The following ICE1 variants were observed in gnomAD, a reference collection of about 807,000 sequenced individuals.
ICE1 encodes interactor of little elongation complex ELL subunit 1.
ICE1 carries 64 observed loss-of-function variants against 192.7 expected under a neutral mutation model. The observed-to-expected ratio is 0.33, with a 90% CI of 0.27 to 0.41. The LOEUF (loss-of-function observed/expected upper bound fraction) is 0.41. Ranked by LOEUF, ICE1 falls within the 10% of genes least tolerant of loss-of-function variation. The probability of loss-of-function intolerance (pLI) is 1.00; values close to 1 mark genes in which losing one functional copy is unlikely to be tolerated. For synonymous variants in ICE1, 1,010 were observed against 984.5 expected, an observed-to-expected ratio of 1.03 and a Z score of -0.49; for missense variants, 2,708 against 2,696.0, an observed-to-expected ratio of 1.00 and a Z score of -0.10.
intron 3 of ICE1, among the ~76,000 whole-genome samples, chr5:5,439,096 C>A (rs2111344860): frequency 6.6e-6 from 1 of 152,194 alleles, no homozygotes; most frequent in Admixed American, 6.5e-5. Flanking sequence ...TATTTCAGCT[C>A]TTTTTTGTGT....
Position 5,464,234 on chromosome 5 carries a change from C to T in ICE1, c.4900C>T (p.Pro1634Ser). ...IRQEVGPPLPPLLAPLIATPP... is the reference protein window; with the variant it reads ...IRQEVGPPLPSLLAPLIATPP... ...GCAAGAGGTGGGGCCTCCTTTGCCG[C>T]CTCTGCTTGCTCCTCTGATAGCTAC... Residue 1634 changes from proline to serine, a missense_variant, in exon 13 of 19, where the codon CCT becomes TCT. Coordinates refer to ENST00000296564, the MANE Select transcript of ICE1 (RefSeq NM_015325.3). This position sits in a 1 kb window ranked among gnomAD's most constrained non-coding sequence, Gnocchi z 4.0. 1 of 1,613,568 alleles carries T rather than the reference C, an allele frequency of 6.2e-7. No individual in the cohort carries two copies. The highest frequency in any genetic ancestry group is 1.3e-5 in the African/African-American group (1 of 74,910).
chr5:5,441,335 CAA>C lies in ICE1; in HGVS notation c.309+113_309+114del, dbSNP rs1430381016. 3 of 655,582 alleles carry C rather than the reference CAA, an allele frequency of 4.6e-6. No homozygotes were observed. In the African/African-American group the frequency reaches 5.5e-5, roughly 12 times the overall value. 40.6% of individuals were successfully genotyped at this position (655,582 alleles called of 1,614,324 possible). A position where few individuals can be genotyped will look rare whatever the true frequency, so the allele number is the denominator to read the frequency against. On this transcript the variant is annotated intron_variant, in intron 5 of 18. Coordinates refer to ENST00000296564, the MANE Select transcript of ICE1 (RefSeq NM_015325.3). ...TGTGTTAAAGGAAATAAAGGCTAGT[CAA>C]GACTCTCAGTGTATTATTAGCTTTA...
intron 17 of ICE1, among the ~76,000 whole-genome samples, chr5:5,485,279 T>A (rs1022728193): frequency 3.9e-4 from 59 of 152,210 alleles, no homozygotes; most frequent in Admixed American, 6.5e-5. Flanking sequence ...ACGTTTTTAA[T>A]GAAAGATAAC....
Position 5,462,382 on chromosome 5 carries a change from T to C in ICE1, c.3048T>C (p.Val1016=). The part of the protein sequence containing the change: ...TEVTVSGGFS[V]EETSCGDTGR... ...TGACTGTGTCAGGAGGGTTTTCTGT[T>C]GAAGAAACCAGCTGTGGAGACACAG... The change falls in exon 13 of 19, where the codon GTT becomes GTC. Residue 1016 remains valine, a synonymous_variant. Coordinates refer to ENST00000296564, the MANE Select transcript of ICE1 (RefSeq NM_015325.3). The C allele has an allele frequency of 1.2e-6, 2 of 1,613,994 alleles. No homozygotes were observed. The highest frequency in any genetic ancestry group is 1.1e-5 in the South Asian group (1 of 91,080).
chr5:5,464,866 T>G lies in ICE1; in HGVS notation c.5532T>G (p.Ser1844Arg). 6.2e-7 allele frequency: 1 copy of G among 1,612,986 alleles called. No individual in the cohort carries two copies. The highest frequency in any genetic ancestry group is 8.5e-7 in the Non-Finnish European group (1 of 1,179,474). Reference sequence around the variant, plus strand: ...CACTGTCAACGTCTACACTGAGAAGTGCTAAAAGACTGCGCCTGGACACTG... The same window carrying G: ...CACTGTCAACGTCTACACTGAGAAGGGCTAAAAGACTGCGCCTGGACACTG... ...KRTLSTSTLR[S>R]AKRLRLDTGS... The change falls in exon 13 of 19, where the codon AGT becomes AGG. Residue 1844 changes from serine to arginine, a missense_variant. Ser to Arg is a moderately radical substitution (Grantham distance 110). Coordinates refer to ENST00000296564, the MANE Select transcript of ICE1 (RefSeq NM_015325.3). The surrounding 1 kb of genome is among the most constrained non-coding windows in gnomAD (Gnocchi z 4.0).
intron 12 of ICE1, among the ~76,000 whole-genome samples, chr5:5,458,798 A>T (rs1397411200): frequency 6.6e-6 from 1 of 152,234 alleles, no homozygotes; most frequent in African/African-American, 2.4e-5. Flanking sequence ...ATGAATGAGT[A>T]GGGAGTGGGG....
intron 7 of ICE1, among the ~76,000 whole-genome samples, chr5:5,444,989 A>C (rs992361101): frequency 2.6e-5 from 4 of 152,172 alleles, no homozygotes; most frequent in African/African-American, 7.2e-5. Flanking sequence ...CCTAATACCA[A>C]GTAGAGACAA....
At chr5:5,431,176 A>G (rs1272309981) in intron 1 of ICE1, among the ~76,000 whole-genome samples, 1 of 152,192 alleles carries the variant, frequency 6.6e-6, no homozygotes, top group Admixed American at 6.5e-5. Flanking sequence ...TCAAAATGAC[A>G]TCTAGAAGCA....
chr5:5,476,829 C>G (rs751567195), intron 17 of ICE1, among the ~76,000 whole-genome samples: 1 of 152,126 alleles, frequency 6.6e-6, no homozygotes, highest in Non-Finnish European at 1.5e-5. Flanking sequence ...CAAACTGTAT[C>G]GAGGATATCT....
chr5:5,455,396 C>T (rs2111367854), intron 11 of ICE1, among the ~76,000 whole-genome samples: 1 of 152,262 alleles, frequency 6.6e-6, no homozygotes, highest in Middle Eastern at 3.4e-3. Flanking sequence ...TGGTATTAAC[C>T]ACATGGTGCC....
rs113314766 is a variant in ICE1, at chr5:5,428,012, T to G, written c.84+5013T>G. On this transcript the variant is annotated intron_variant, in intron 1 of 18. Transcript: ENST00000296564. ...TGAGGTCTGAAAGATGATTTGCAGT[T>G]AACTAAGAGGGAAAAGATGGAGGGA... Among the ~76,000 whole-genome samples, 735 of 152,306 alleles carry G rather than the reference T, an allele frequency of 4.8e-3. 4 individuals carry two copies. The highest frequency in any genetic ancestry group is 8.9e-3 in the Non-Finnish European group (605 of 68,030).
chr5:5,456,630 C>T (rs1486824518), intron 11 of ICE1, among the ~76,000 whole-genome samples: 3 of 152,130 alleles, frequency 2.0e-5, no homozygotes, highest in African/African-American at 7.2e-5. Context: ...ATGTTTCCAT[C>T]TCTGCTTGGA....
chr5:5,482,433 C>T (rs1157142323), intron 17 of ICE1, among the ~76,000 whole-genome samples: 2 of 152,136 alleles, frequency 1.3e-5, no homozygotes, highest in African/African-American at 4.8e-5. Context: ...AATTAGAAAG[C>T]GTAATGTCAA....
chr5:5,461,569 A>T lies in ICE1; in HGVS notation c.2235A>T (p.Lys745Asn). ...IHSLPRSVFM[K>N]ATKDGQCESQ... ...CACTTCCTCGGTCAGTATTTATGAA[A>T]GCTACAAAAGATGGGCAATGTGAAA... The change falls in exon 13 of 19, where the codon AAA becomes AAT. Residue 745 changes from lysine (K) to asparagine (N), a missense_variant. Coordinates refer to ENST00000296564, the MANE Select transcript of ICE1 (RefSeq NM_015325.3). The T allele has an allele frequency of 6.2e-7, 1 of 1,613,260 alleles. No individual in the cohort carries two copies. The highest frequency in any genetic ancestry group is 8.5e-7 in the Non-Finnish European group (1 of 1,179,538).
intron 12 of ICE1, among the ~76,000 whole-genome samples, chr5:5,459,259 T>C (rs1398470330): frequency 6.6e-6 from 1 of 152,060 alleles, no homozygotes; most frequent in Non-Finnish European, 1.5e-5. Flanking sequence ...TGTTATGAGG[T>C]CAAATGAGCA....
Position 5,464,169 on chromosome 5 carries a change from C to G in ICE1, c.4835C>G (p.Thr1612Ser). 1.2e-6 allele frequency: 2 copies of G among 1,613,756 alleles called. No individual in the cohort carries two copies. Among genetic ancestry groups the G allele is most frequent in the Non-Finnish European group, 1.7e-6 (2 of 1,179,886 alleles). ...QTILANADTSTPTDCSPDTLS... is the reference protein window; with the variant it reads ...QTILANADTSSPTDCSPDTLS... ...ATTTTAGCAAATGCTGATACATCCA[C>G]TCCTACAGATTGTTCTCCTGACACA... The change falls in exon 13 of 19, where the codon ACT becomes AGT. Residue 1612 changes from threonine (T) to serine (S), a missense_variant. Transcript: ENST00000296564. This position sits in a 1 kb window ranked among gnomAD's most constrained non-coding sequence, Gnocchi z 4.0.
At chr5:5,488,006 A>G (rs1739676519) in intron 18 of ICE1, among the ~76,000 whole-genome samples, 1 of 152,238 alleles carries the variant, frequency 6.6e-6, no homozygotes, top group East Asian at 1.9e-4. Flanking sequence ...GTCCCTCTCC[A>G]GAGCTAGCTC....
intron 17 of ICE1, among the ~76,000 whole-genome samples, chr5:5,479,987 T>G (rs1192588691): frequency 6.6e-6 from 1 of 152,094 alleles, no homozygotes; most frequent in Non-Finnish European, 1.5e-5. Flanking sequence ...CCTGTGGGAC[T>G]TAAAACCTAG....
chr5:5,427,248 C>A (rs1051651173), intron 1 of ICE1, among the ~76,000 whole-genome samples: 2 of 152,190 alleles, frequency 1.3e-5, no homozygotes, highest in African/African-American at 4.8e-5. Flanking sequence ...TACAGTAGTT[C>A]ATTGCTGATC....
Sources: allele counts gnomAD v4.1 joint callset (sites outside exome capture counted in the v4.1 genomes callset), GRCh38; gene constraint gnomAD v4.1.1; non-coding constraint Gnocchi (gnomAD v3.1); transcripts MANE v1.5; gene names NCBI Gene and HGNC (gene_info 2026-07-23, HGNC 2026-07-21).